DRD4: variants seen among roughly 807,000 people sequenced by gnomAD.
DRD4 encodes the protein D(4) dopamine receptor.
Under a neutral mutation model 22.1 loss-of-function variants are expected in DRD4, and 26 were observed. The ratio of observed to expected loss-of-function variants is 1.17; its 90% CI spans 0.86 to 1.63. The LOEUF (loss-of-function observed/expected upper bound fraction) is 1.63. Among genes scored for constraint, DRD4 ranks in the 40% most tolerant of loss-of-function variants. The pLI, the probability that DRD4 is intolerant of heterozygous loss-of-function variation, is 0.00. For missense variants in DRD4, 913 were observed against 632.4 expected (o/e 1.44, Z -4.76); for synonymous variants, 455 against 306.7 (o/e 1.48, Z -5.05).
Position 640,204 on chromosome 11 carries a change from GCCGCGC to G in DRD4, c.956_961del (p.Ala319_Leu321delinsVal), listed in dbSNP as rs1361751496. On this transcript the variant is annotated inframe_deletion, in exon 3 of 4. Coordinates refer to ENST00000176183, the MANE Select transcript of DRD4 (RefSeq NM_000797.4). ...TGCTCCCCCCGACGCCGTCAGAGCC[GCCGCGC>G]TCCCACCCCAGACTCCACCGCAGAC... 73 of 1,527,982 alleles carry G rather than the reference GCCGCGC, an allele frequency of 4.8e-5. No homozygotes were observed. In the African/African-American group the frequency reaches 8.6e-4, roughly 18 times the overall value. The allele number at this position is 1,527,982 out of a possible 1,614,324, so 94.7% of individuals were successfully genotyped here. A position where few individuals can be genotyped will look rare whatever the true frequency, so the allele number is the denominator to read the frequency against.
chr11:639,187 C>T (rs2133250155), intron 1 of DRD4: 1 of 520,946 alleles, frequency 1.9e-6, no homozygotes, highest in South Asian at 2.1e-5. Context: ...CTCAGGAATT[C>T]CAGGCTACAG....
Position 639,703 on chromosome 11 carries a change from C to A in DRD4, c.454C>A (p.Gln152Lys). Reference protein sequence around the residue: ...RYNRQGGSRRQLLLIGATWLL... With the variant: ...RYNRQGGSRRKLLLIGATWLL... The stretch of plus-strand genomic sequence containing the variant: ...CAACCGGCAGGGTGGGAGCCGCCGG[C>A]AGCTGCTGCTCATCGGCGCCACGTG... Residue 152 changes from glutamine (Q) to lysine (K), a missense_variant, in exon 3 of 4, where the codon CAG becomes AAG. Coordinates refer to ENST00000176183, the MANE Select transcript of DRD4 (RefSeq NM_000797.4). The A allele has an allele frequency of 6.7e-7, 1 of 1,486,528 alleles. No individual in the cohort carries two copies. Among genetic ancestry groups the A allele is most frequent in the Non-Finnish European group, 8.9e-7 (1 of 1,124,638 alleles). 92.1% of individuals were successfully genotyped at this position (1,486,528 alleles called of 1,614,324 possible).
At position 639,950 on chromosome 11, in the gene DRD4, C is replaced by T. The variant is rs1858172927; in HGVS notation, c.701C>T (p.Ala234Val). Residue 234 changes from alanine (A) to valine (V), a missense_variant, in exon 3 of 4, where the codon GCG becomes GTG. Coordinates refer to ENST00000176183, the MANE Select transcript of DRD4 (RefSeq NM_000797.4). ...VARRAKLHGR[A>V]PRRPSGPGPP... is the part of the protein sequence containing the mutation. ...CGTCGCGCCAAGCTGCACGGCCGCG[C>T]GCCCCGCCGACCCAGCGGCCCTGGC... The T allele has an allele frequency of 2.0e-6, 3 of 1,499,354 alleles. No individual in the cohort carries two copies. The highest frequency in any genetic ancestry group is 2.9e-5 in the African/African-American group (2 of 69,364). 92.9% of individuals were successfully genotyped at this position (1,499,354 alleles called of 1,614,324 possible). A position where few individuals can be genotyped will look rare whatever the true frequency, so the allele number is the denominator to read the frequency against.
Position 640,420 on chromosome 11 carries a change from G to GA in DRD4, c.1078dup (p.Thr360AsnfsTer90), listed in dbSNP as rs773136049. ...CCCCAGGGGCCTTCCTGCTGTGCTGGACGCCCTTCTTCGTGGTGCACATCA... is the reference window on the plus strand; with the variant it reads ...CCCCAGGGGCCTTCCTGCTGTGCTGGAACGCCCTTCTTCGTGGTGCACATCA... On this transcript the variant is annotated frameshift_variant, in exon 4 of 4. Coordinates refer to ENST00000176183, the MANE Select transcript of DRD4 (RefSeq NM_000797.4). LOFTEE classifies it low-confidence loss of function (END_TRUNC). 1.2e-6 allele frequency: 2 copies of GA among 1,600,356 alleles called. No homozygotes were observed. The highest frequency in any genetic ancestry group is 2.2e-5 in the South Asian group (2 of 91,056).
At chr11:637,684 G>C in intron 1 of DRD4, 95 bp downstream of exon 1, 1 of 1,527,210 alleles carries the variant, frequency 6.5e-7, no homozygotes, top group Non-Finnish European at 8.8e-7. Context: ...GCCCCTTTCT[G>C]GTGCGGAGCT....
intron 3 of DRD4, 35 bp downstream of exon 3, chr11:640,341 A>AGGG (rs564667137): frequency 8.0e-7 from 1 of 1,248,172 alleles, no homozygotes; most frequent in Non-Finnish European, 1.1e-6. Flanking sequence ...GGAGGAGAGG[A>AGGG]GGGGGGGGGT....
Position 639,977 on chromosome 11 carries a change from C to T in DRD4, c.728C>T (p.Pro243Leu), listed in dbSNP as rs1222114726. The T allele has an allele frequency of 2.3e-5, 31 of 1,365,866 alleles. No individual in the cohort carries two copies. The highest frequency in any genetic ancestry group is 9.2e-5 in the East Asian group (3 of 32,474). 84.6% of individuals were successfully genotyped at this position (1,365,866 alleles called of 1,614,324 possible). A position where few individuals can be genotyped will look rare whatever the true frequency, so the allele number is the denominator to read the frequency against. Residue 243 changes from proline (P) to leucine (L), a missense_variant, in exon 3 of 4, where the codon CCG becomes CTG. By Grantham distance (98) the Pro-to-Leu change is moderately conservative. Transcript: ENST00000176183. ...CCCCGCCGACCCAGCGGCCCTGGCCCGCCTTCCCCCACGCCACCCGCGCCC... is the reference window on the plus strand; with the variant it reads ...CCCCGCCGACCCAGCGGCCCTGGCCTGCCTTCCCCCACGCCACCCGCGCCC... ...RAPRRPSGPG[P>L]PSPTPPAPRL... is the part of the protein sequence containing the mutation.
At position 639,750 on chromosome 11, in the gene DRD4, G is replaced by C. The variant is rs372617537; in HGVS notation, c.501G>C (p.Ala167=). The C allele has an allele frequency of 6.5e-7, 1 of 1,542,566 alleles. No individual in the cohort carries two copies. Among genetic ancestry groups the C allele is most frequent in the Non-Finnish European group, 8.7e-7 (1 of 1,154,162 alleles). The change falls in exon 3 of 4, where the codon GCG becomes GCC. Residue 167 remains alanine (A), a synonymous_variant. Transcript: ENST00000176183. ...GATWLLSAAV[A]APVLCGLNDV... is the part of the protein sequence containing the mutation. Reference sequence around the variant, plus strand: ...CGTGGCTGCTGTCCGCGGCGGTGGCGGCGCCCGTACTGTGCGGCCTCAACG... The same window carrying C: ...CGTGGCTGCTGTCCGCGGCGGTGGCCGCGCCCGTACTGTGCGGCCTCAACG...
chr11:640,684 A>T lies in DRD4; in HGVS notation c.*81A>T, dbSNP rs1858223801. On this transcript the variant is annotated 3_prime_UTR_variant, in exon 4 of 4. Transcript: ENST00000176183. ...GATGGGGAGGGCGCTTTTGTACGTTAATTAAACAAATTCCTTCCCAAACTC... is the reference window on the plus strand; with the variant it reads ...GATGGGGAGGGCGCTTTTGTACGTTTATTAAACAAATTCCTTCCCAAACTC... 1 of 1,496,554 alleles carries T rather than the reference A, an allele frequency of 6.7e-7. No individual in the cohort carries two copies. The highest frequency in any genetic ancestry group is 9.1e-7 in the Non-Finnish European group (1 of 1,096,788). The allele number at this position is 1,496,554 out of a possible 1,614,324, so 92.7% of individuals were successfully genotyped here.
rs1483986177 is a variant in DRD4, at chr11:640,610, C to T, written c.*7C>T. The T allele has an allele frequency of 1.3e-6, 2 of 1,598,954 alleles. No homozygotes were observed. Among genetic ancestry groups the T allele is most frequent in the African/African-American group, 2.7e-5 (2 of 74,924 alleles). On this transcript the variant is annotated 3_prime_UTR_variant, in exon 4 of 4. Coordinates refer to ENST00000176183, the MANE Select transcript of DRD4 (RefSeq NM_000797.4). Reference sequence around the variant, plus strand: ...CCTGCGTGCCTGCTGCTGAGCCGGGCACCCCCGGACGCCCCCCGGCCTGAT... The same window carrying T: ...CCTGCGTGCCTGCTGCTGAGCCGGGTACCCCCGGACGCCCCCCGGCCTGAT...
Position 639,746 on chromosome 11 carries a change from T to TCC in DRD4, c.497_498insCC (p.Ala167ArgfsTer180). The TCC allele has an allele frequency of 6.5e-7, 1 of 1,538,820 alleles. No homozygotes were observed. Among genetic ancestry groups the TCC allele is most frequent in the Non-Finnish European group, 8.7e-7 (1 of 1,152,256 alleles). ...GCCACGTGGCTGCTGTCCGCGGCGG[T>TCC]GGCGGCGCCCGTACTGTGCGGCCTC... On this transcript the variant is annotated frameshift_variant, in exon 3 of 4. Coordinates refer to ENST00000176183, the MANE Select transcript of DRD4 (RefSeq NM_000797.4). LOFTEE classifies it high-confidence loss of function.
Position 640,574 on chromosome 11 carries a change from T to TTCC in DRD4, c.1232_1234dup (p.Phe411_Arg412insLeu), listed in dbSNP as rs1858218892. ...CTTCAACGCCGAGTTCCGCAACGTC[T>TTCC]TCCGCAAGGCCCTGCGTGCCTGCTG... On this transcript the variant is annotated inframe_insertion, in exon 4 of 4. Transcript: ENST00000176183. 6.3e-7 allele frequency: 1 copy of TTCC among 1,599,642 alleles called. No homozygotes were observed.
chr11:640,253 C>T lies in DRD4; in HGVS notation c.1004C>T (p.Ala335Val). ...CCGCAGACCCGCAGGAGGCGGCGTG[C>T]CAAGATCACCGGCCGGGAGCGCAAG... ...TPPQTRRRRR[A>V]KITGRERKAM... is the part of the protein sequence containing the mutation. The change falls in exon 3 of 4, where the codon GCC (alanine) becomes GTC (valine). Residue 335 changes from alanine to valine, a missense_variant. Ala to Val is a moderately conservative substitution (Grantham distance 64). Transcript: ENST00000176183. The T allele has an allele frequency of 6.5e-7, 1 of 1,533,308 alleles. No individual in the cohort carries two copies. Among genetic ancestry groups the T allele is most frequent in the Non-Finnish European group, 8.7e-7 (1 of 1,146,622 alleles). 95.0% of individuals were successfully genotyped at this position (1,533,308 alleles called of 1,614,324 possible).
chr11:640,372 G>A (rs1415923503), intron 3 of DRD4, 29 bp from the exon 4 acceptor site: 5 of 1,591,438 alleles, frequency 3.1e-6, no homozygotes, highest in Non-Finnish European at 4.2e-6. Context: ...CTGGGCGGGG[G>A]GCGCTAACGC....
chr11:640,447 G>A lies in DRD4; in HGVS notation c.1104G>A (p.Thr368=). Residue 368 remains threonine (T), a synonymous_variant, in exon 4 of 4, where the codon ACG becomes ACA. Transcript: ENST00000176183. ...CWTPFFVVHI[T]QALCPACSVP... is the part of the protein sequence containing the mutation. Reference sequence around the variant, plus strand: ...CGCCCTTCTTCGTGGTGCACATCACGCAGGCGCTGTGTCCTGCCTGCTCCG... The same window carrying A: ...CGCCCTTCTTCGTGGTGCACATCACACAGGCGCTGTGTCCTGCCTGCTCCG... 1 of 1,601,570 alleles carries A rather than the reference G, an allele frequency of 6.2e-7. No individual in the cohort carries two copies. Among genetic ancestry groups the A allele is most frequent in the Non-Finnish European group, 8.5e-7 (1 of 1,179,758 alleles).
Position 637,415 on chromosome 11 carries a change from G to C in DRD4, c.111G>C (p.Ala37=). ...SAGLAGQGAA[A]LVGGVLLIGA... The stretch of plus-strand genomic sequence containing the variant: ...GGCTGGCTGGGCAGGGCGCGGCGGC[G>C]CTGGTGGGGGGCGTGCTGCTCATCG... The change falls in exon 1 of 4, where the codon GCG becomes GCC. Residue 37 remains alanine, a synonymous_variant. Coordinates refer to ENST00000176183, the MANE Select transcript of DRD4 (RefSeq NM_000797.4). The C allele has an allele frequency of 6.6e-7, 1 of 1,505,662 alleles. No homozygotes were observed. Among genetic ancestry groups the C allele is most frequent in the Non-Finnish European group, 8.8e-7 (1 of 1,133,640 alleles). 93.3% of individuals were successfully genotyped at this position (1,505,662 alleles called of 1,614,324 possible). A position where few individuals can be genotyped will look rare whatever the true frequency, so the allele number is the denominator to read the frequency against.
Position 640,128 on chromosome 11 carries a change from CTG to C in DRD4, c.882_883del (p.Pro297ArgfsTer152), listed in dbSNP as rs1243947457. 1 of 1,436,298 alleles carries C rather than the reference CTG, an allele frequency of 7.0e-7. No homozygotes were observed. The highest frequency in any genetic ancestry group is 1.5e-5 in the African/African-American group (1 of 67,938). The allele number at this position is 1,436,298 out of a possible 1,614,324, so 89.0% of individuals were successfully genotyped here. On this transcript the variant is annotated frameshift_variant, in exon 3 of 4. Coordinates refer to ENST00000176183, the MANE Select transcript of DRD4 (RefSeq NM_000797.4). LOFTEE classifies it high-confidence loss of function. Reference sequence around the variant, plus strand: ...TCCCCCAGGACCCCTGCGGCCCCGACTGTGCGCCCCCCGCGCCCGGCCTCCCC... The same window carrying C: ...TCCCCCAGGACCCCTGCGGCCCCGACTGCGCCCCCCGCGCCCGGCCTCCCC... ...SLPQDPCGPD[C>X]APPAPGLPPD...
At position 640,233 on chromosome 11, in the gene DRD4, G is replaced by A; in HGVS notation, c.984G>A (p.Gln328=). ...CGCTCCCACCCCAGACTCCACCGCA[G>A]ACCCGCAGGAGGCGGCGTGCCAAGA... ...AAALPPQTPP[Q]TRRRRRAKIT... The change falls in exon 3 of 4, where the codon CAG becomes CAA. Residue 328 remains glutamine (Q), a synonymous_variant. Coordinates refer to ENST00000176183, the MANE Select transcript of DRD4 (RefSeq NM_000797.4). 6.5e-7 allele frequency: 1 copy of A among 1,532,760 alleles called. No homozygotes were observed. Among genetic ancestry groups the A allele is most frequent in the Non-Finnish European group, 8.7e-7 (1 of 1,146,454 alleles). The allele number at this position is 1,532,760 out of a possible 1,614,324, so 94.9% of individuals were successfully genotyped here. A position where few individuals can be genotyped will look rare whatever the true frequency, so the allele number is the denominator to read the frequency against.
chr11:640,393 G>C lies in DRD4; in HGVS notation c.1058-8G>C. ...GGGGGGCGCTAACGCGGCTCTCGGC[G>C]CCCCCAGGGGCCTTCCTGCTGTGCT... On this transcript the variant is annotated splice_region_variant and splice_polypyrimidine_tract_variant and intron_variant, in intron 3 of 3. Transcript: ENST00000176183. 6.3e-7 allele frequency: 1 copy of C among 1,597,294 alleles called. No homozygotes were observed.
Sources: allele counts gnomAD v4.1 joint callset, GRCh38; gene constraint gnomAD v4.1.1; transcripts MANE v1.5; gene names NCBI Gene and HGNC (gene_info 2026-07-23, HGNC 2026-07-21).